PDE11A: variants seen among roughly 807,000 people sequenced by gnomAD.
PDE11A encodes the protein phosphodiesterase 11A.
In PDE11A, 100 loss-of-function variants were observed where a neutral mutation model predicts 100.5. That is an observed-to-expected ratio of 1.00 (90% confidence interval 0.85 to 1.18). PDE11A has a LOEUF of 1.18. Among genes scored for constraint, PDE11A ranks in the 50% most tolerant of loss-of-function variants. PDE11A has a pLI of 0.00. For synonymous variants in PDE11A, 381 were observed against 420.8 expected, an observed-to-expected ratio of 0.91 and a Z score of 1.16; for missense variants, 1,141 against 1,152.6, an observed-to-expected ratio of 0.99 and a Z score of 0.15.
chr2:177,814,650 G>T (rs912516469), intron 9 of PDE11A, among the ~76,000 whole-genome samples: 1 of 152,202 alleles, frequency 6.6e-6, no homozygotes, highest in Non-Finnish European at 1.5e-5. Flanking sequence ...TTGTCACAAG[G>T]CTAAGAGTTG....
intron 9 of PDE11A, among the ~76,000 whole-genome samples, chr2:177,802,828 T>C (rs2082812965): frequency 6.6e-6 from 1 of 151,906 alleles, no homozygotes; most frequent in Non-Finnish European, 1.5e-5. Context: ...CAAGATTAGA[T>C]TACCAAAACA....
chr2:178,093,375 C>G (rs1033886112), intron 2 of PDE11A, among the ~76,000 whole-genome samples: 1 of 148,286 alleles, frequency 6.7e-6, no homozygotes, highest in Non-Finnish European at 1.5e-5. Flanking sequence ...AAGCTACCTA[C>G]AGTCAAGAAT....
chr2:177,986,028 TTC>T (rs1211089117), intron 2 of PDE11A, among the ~76,000 whole-genome samples: 3 of 152,172 alleles, frequency 2.0e-5, no homozygotes, highest in African/African-American at 7.2e-5. Context: ...TTTGCTCACT[TTC>T]TGAGTCCTTT....
At chr2:177,903,153 A>C (rs1416371214) in intron 3 of PDE11A, among the ~76,000 whole-genome samples, 1 of 151,566 alleles carries the variant, frequency 6.6e-6, no homozygotes. Flanking sequence ...CTCTAAACAC[A>C]CTGACCAAGC....
intron 19 of PDE11A, among the ~76,000 whole-genome samples, chr2:177,632,766 T>C (rs1018905272): frequency 6.6e-6 from 1 of 152,202 alleles, no homozygotes; most frequent in Admixed American, 6.5e-5. Flanking sequence ...GCCTACTAAC[T>C]GTACCGAACT....
intron 10 of PDE11A, among the ~76,000 whole-genome samples, chr2:177,743,630 AT>A (rs1291212294): frequency 1.3e-5 from 2 of 152,222 alleles, no homozygotes; most frequent in Admixed American, 6.5e-5. Context: ...GTGAATTAGC[AT>A]TTTTTAAGTG....
At chr2:177,794,817 G>A (rs180942629) in intron 9 of PDE11A, among the ~76,000 whole-genome samples, 37 of 151,804 alleles carry the variant, frequency 2.4e-4, no homozygotes, top group East Asian at 2.3e-3. Context: ...ACAGAGTCTC[G>A]CACTGTTGCC....
At chr2:177,801,892 T>C (rs946832329) in intron 9 of PDE11A, among the ~76,000 whole-genome samples, 4 of 151,832 alleles carry the variant, frequency 2.6e-5, no homozygotes, top group African/African-American at 9.7e-5. Context: ...CATGAAAAAA[T>C]CTTATCAAAA....
chr2:177,890,207 AGCAGCT>A (rs2084507667), intron 4 of PDE11A, among the ~76,000 whole-genome samples: 1 of 152,186 alleles, frequency 6.6e-6, no homozygotes, highest in African/African-American at 2.4e-5. Flanking sequence ...GGCCAAGATA[AGCAGCT>A]GCAGGGTGAC....
At chr2:177,666,601 T>G (rs988235560) in intron 18 of PDE11A, among the ~76,000 whole-genome samples, 3 of 152,238 alleles carry the variant, frequency 2.0e-5, no homozygotes, top group African/African-American at 7.2e-5. Context: ...TTAGTGGCTG[T>G]GAAGTGATAT....
At chr2:177,838,660 A>G (rs2083442244) in intron 6 of PDE11A, among the ~76,000 whole-genome samples, 1 of 152,212 alleles carries the variant, frequency 6.6e-6, no homozygotes, top group South Asian at 2.1e-4. Context: ...TTCTGGTTGC[A>G]TGACCGTTTG....
At chr2:178,100,145 T>C (rs376895653) in intron 2 of PDE11A, among the ~76,000 whole-genome samples, 12 of 152,268 alleles carry the variant, frequency 7.9e-5, no homozygotes, top group African/African-American at 2.6e-4. Flanking sequence ...AATGAAAATG[T>C]TCTGGAAATG....
At chr2:178,065,116 C>T (rs182231093) in intron 1 of PDE11A, among the ~76,000 whole-genome samples, 1 of 152,276 alleles carries the variant, frequency 6.6e-6, no homozygotes, top group East Asian at 1.9e-4. Context: ...ATATTAGCAA[C>T]TTAACCCACT....
intron 15 of PDE11A, among the ~76,000 whole-genome samples, chr2:177,684,588 T>C (rs1260447982): frequency 6.6e-6 from 1 of 152,186 alleles, no homozygotes; most frequent in African/African-American, 2.4e-5. Flanking sequence ...GGTCTGGCAC[T>C]CACTACTTAC....
intron 9 of PDE11A, among the ~76,000 whole-genome samples, chr2:177,771,541 CATA>C (rs1248155958): frequency 6.6e-6 from 1 of 152,142 alleles, no homozygotes; most frequent in Non-Finnish European, 1.5e-5. Context: ...GGTGGTATAA[CATA>C]ATACTACACA....
chr2:178,067,415 A>G (rs1378627141), intron 1 of PDE11A, among the ~76,000 whole-genome samples: 1 of 152,138 alleles, frequency 6.6e-6, no homozygotes, highest in African/African-American at 2.4e-5. Context: ...TTCTATGACA[A>G]TAGAATGTCA....
intron 1 of PDE11A, among the ~76,000 whole-genome samples, chr2:178,104,839 A>G (rs559142212): frequency 7.2e-4 from 110 of 152,334 alleles, no homozygotes; most frequent in South Asian, 3.9e-3. Context: ...TGTGCAAAAG[A>G]TGATGTAAAA....
At chr2:177,785,047 T>TG (rs1221366569) in intron 9 of PDE11A, among the ~76,000 whole-genome samples, 2 of 152,150 alleles carry the variant, frequency 1.3e-5, no homozygotes, top group Admixed American at 1.3e-4. Context: ...GTGCCAACAA[T>TG]GGGGGGCCAG....
intron 16 of PDE11A, among the ~76,000 whole-genome samples, chr2:177,680,325 T>C (rs1339608716): frequency 6.6e-6 from 1 of 151,894 alleles, no homozygotes; most frequent in African/African-American, 2.4e-5. Context: ...ATAAACAGAG[T>C]GGGTTGCTAC....
Sources: gnomAD v4.1 joint callset for allele counts (sites outside exome capture counted in the v4.1 genomes callset) on GRCh38, gnomAD v4.1.1 for gene constraint, MANE v1.5 for transcripts, NCBI Gene and HGNC (gene_info 2026-07-23, HGNC 2026-07-21) for gene names.